TMEM116: variants seen among roughly 807,000 people sequenced by gnomAD.
TMEM116 encodes the protein transmembrane protein 116.
A neutral mutation model predicts 44.3 loss-of-function variants in TMEM116; 38 were observed. That is an observed-to-expected ratio of 0.86 (90% confidence interval 0.66 to 1.12). The LOEUF is 1.12. Among genes scored for constraint, TMEM116 ranks in the 50% most tolerant of loss-of-function variants. The pLI, the probability that TMEM116 is intolerant of heterozygous loss-of-function variation, is 0.00. For synonymous variants in TMEM116, 132 were observed against 144.8 expected, an observed-to-expected ratio of 0.91 and a Z score of 0.64; for missense variants, 354 against 401.7, an observed-to-expected ratio of 0.88 and a Z score of 1.01.
intron 4 of TMEM116, among the ~76,000 whole-genome samples, chr12:111,956,521 A>G (rs569515634): frequency 1.5e-4 from 23 of 152,128 alleles, no homozygotes; most frequent in African/African-American, 5.5e-4. Context: ...TCCCCTTTGC[A>G]TGGTCCTCGT....
At chr12:111,937,443 A>G (rs1473991631) in intron 6 of TMEM116, among the ~76,000 whole-genome samples, 200 bp from the exon 7 acceptor site, 1 of 152,220 alleles carries the variant, frequency 6.6e-6, no homozygotes, top group Admixed American at 6.5e-5. Flanking sequence ...ACAATGCAGT[A>G]GGGAATTAAT....
chr12:111,933,717 C>T (rs1041958409), intron 9 of TMEM116, among the ~76,000 whole-genome samples, 169 bp downstream of exon 9: 7 of 150,758 alleles, frequency 4.6e-5, no homozygotes, highest in African/African-American at 1.5e-4. Flanking sequence ...AGGATGGTCT[C>T]GATCTCCTGA....
intron 3 of TMEM116, among the ~76,000 whole-genome samples, chr12:112,003,408 A>G (rs1360983610): frequency 6.6e-6 from 1 of 152,158 alleles, no homozygotes; most frequent in Non-Finnish European, 1.5e-5. Context: ...CTCTACCAAA[A>G]ATACAAAAAA....
intron 4 of TMEM116, among the ~76,000 whole-genome samples, chr12:111,961,004 C>T (rs1052188390): frequency 3.3e-5 from 5 of 152,116 alleles, no homozygotes; most frequent in African/African-American, 1.2e-4. Flanking sequence ...CACCACTGAT[C>T]CCACAGAAAT....
chr12:111,991,524 G>GA (rs397956051), intron 4 of TMEM116, among the ~76,000 whole-genome samples: 9,730 of 83,184 alleles, frequency 0.12, 1,301 homozygotes, highest in East Asian at 0.67. Context: ...CTCTGTCTCA[G>GA]AAAAAAAAAA....
At chr12:112,003,567 CAA>C (rs374296039) in intron 3 of TMEM116, 5,797 of 270,916 alleles carry the variant, frequency 0.021, no homozygotes, top group Middle Eastern at 0.035. Context: ...GACTCCGTCT[CAA>C]AAAAAAAAAA....
chr12:111,957,504 C>G (rs1385785356), intron 4 of TMEM116, among the ~76,000 whole-genome samples: 4 of 151,106 alleles, frequency 2.6e-5, no homozygotes, highest in Non-Finnish European at 1.5e-5. Context: ...GGGGGCAGCG[C>G]CCCCCTGGCC....
intron 4 of TMEM116, among the ~76,000 whole-genome samples, chr12:111,958,652 A>G (rs1173711744): frequency 6.6e-6 from 1 of 152,186 alleles, no homozygotes; most frequent in African/African-American, 2.4e-5. Context: ...GAAGAACATA[A>G]ATGACCTGAT....
intron 3 of TMEM116, among the ~76,000 whole-genome samples, chr12:112,001,984 C>T (rs778841750): frequency 1.3e-5 from 2 of 152,146 alleles, no homozygotes. Flanking sequence ...TTAGGAAAGT[C>T]CCCTAACCTT....
chr12:111,991,298 G>A (rs1200017659), intron 4 of TMEM116, among the ~76,000 whole-genome samples: 3 of 149,266 alleles, frequency 2.0e-5, no homozygotes, highest in African/African-American at 5.0e-5. Flanking sequence ...CGAGGCGGGT[G>A]GATCATGAGG....
chr12:111,931,788 C>T lies in TMEM116; in HGVS notation c.847G>A (p.Val283Ile). The T allele has an allele frequency of 2.5e-6, 4 of 1,582,234 alleles. No individual in the cohort carries two copies. The highest frequency in any genetic ancestry group is 1.2e-5 in the South Asian group (1 of 84,146). The change falls in exon 11 of 11, where the codon GTA becomes ATA. Residue 283 changes from valine to isoleucine, a missense_variant. Transcript: ENST00000552374. ...AATTTGTGCTGCGTCCAGCCATATA[C>T]TCCACAGTTGAGTAGACCCTGAGAT... ...ATSQGLLNCG[V>I]YGWTQHKFHQ...
At chr12:111,998,838 G>A (rs145039667) in intron 3 of TMEM116, among the ~76,000 whole-genome samples, 1 of 152,150 alleles carries the variant, frequency 6.6e-6, no homozygotes, top group Non-Finnish European at 1.5e-5. Context: ...AGGGGGAAAG[G>A]GGGAAAGGAA....
intron 1 of TMEM116, 49 bp from the exon 2 acceptor site, chr12:112,005,352 T>C: frequency 8.3e-7 from 1 of 1,202,798 alleles, no homozygotes; most frequent in Non-Finnish European, 1.1e-6. Context: ...TTACATTGAA[T>C]ATTCAACCTA....
At chr12:112,005,758 T>C (rs991477992) in intron 1 of TMEM116, 1 of 963,462 alleles carries the variant, frequency 1.0e-6, no homozygotes, top group African/African-American at 1.8e-5. Flanking sequence ...CAGAGATGTG[T>C]GGAAAGAATA....
intron 4 of TMEM116, among the ~76,000 whole-genome samples, chr12:111,963,379 T>C (rs1050536612): frequency 1.3e-5 from 2 of 152,234 alleles, no homozygotes; most frequent in African/African-American, 4.8e-5. Context: ...CCCATGTATG[T>C]TTATTGTGGC....
rs1184707702 is a variant in TMEM116, at chr12:112,003,786, G to C, written c.78+14C>G. ...ATAAAAAGTTCAAATCCAACACAAA[G>C]AGAAATCACTCACCTCTGGAGATTT... is the stretch of plus-strand genomic sequence containing the variant. On this transcript the variant is annotated intron_variant, in intron 3 of 10. Transcript: ENST00000552374. The C allele has an allele frequency of 1.3e-6, 2 of 1,508,122 alleles. No individual in the cohort carries two copies. The highest frequency in any genetic ancestry group is 5.0e-5 in the East Asian group (2 of 39,704). The allele number at this position is 1,508,122 out of a possible 1,614,324, so 93.4% of individuals were successfully genotyped here.
At chr12:111,931,894 A>C in intron 10 of TMEM116, 67 bp from the exon 11 acceptor site, 1 of 1,051,288 alleles carries the variant, frequency 9.5e-7, no homozygotes, top group Non-Finnish European at 1.4e-6. Flanking sequence ...AATAATTCTC[A>C]CTCCCCTTAT....
Position 111,937,195 on chromosome 12 carries a change from A to G in TMEM116, c.414T>C (p.Thr138=), listed in dbSNP as rs1565867881. ...GACTGAAGTTTTGGAAACATTCACT[A>G]GTATTTCCCAGACAGAATACAGGTG... The part of the protein sequence containing the change: ...LMTPVFCLGN[T]SECFQNFSQS... Residue 138 remains threonine (T), a synonymous_variant, in exon 7 of 11, where the codon ACT becomes ACC. Coordinates refer to ENST00000552374, the MANE Select transcript of TMEM116 (RefSeq NM_001193531.2). 1.2e-6 allele frequency: 2 copies of G among 1,613,948 alleles called. No individual in the cohort carries two copies. The highest frequency in any genetic ancestry group is 2.2e-5 in the East Asian group (1 of 44,842).
At chr12:111,986,070 A>C (rs1346566916) in intron 4 of TMEM116, among the ~76,000 whole-genome samples, 5 of 152,096 alleles carry the variant, frequency 3.3e-5, no homozygotes, top group Admixed American at 2.0e-4. Context: ...CTTGAAAAAG[A>C]AGAGGTAAGG....
Sources: gnomAD v4.1 joint callset for allele counts (sites outside exome capture counted in the v4.1 genomes callset) on GRCh38, gnomAD v4.1.1 for gene constraint, MANE v1.5 for transcripts, NCBI Gene and HGNC (gene_info 2026-07-23, HGNC 2026-07-21) for gene names.